The following LRP1B variants were observed in gnomAD, a reference collection of about 807,000 sequenced individuals.
LRP1B encodes the protein low-density lipoprotein receptor-related protein 1B.
In LRP1B, 217 loss-of-function variants were observed where a neutral mutation model predicts 556.6. That is an observed-to-expected ratio of 0.39 (90% CI 0.35 to 0.44). The LOEUF is 0.44. Ranked by LOEUF, LRP1B falls within the 20% of genes least tolerant of loss-of-function variation. The pLI is 1.00. For missense variants in LRP1B, 5,053 were observed against 5,620.8 expected, an observed-to-expected ratio of 0.90 and a Z score of 3.23; for synonymous variants, 2,047 against 1,865.8, an observed-to-expected ratio of 1.10 and a Z score of -2.50.
chr2:141,520,570 G>T (rs1261571679), intron 2 of LRP1B, among the ~76,000 whole-genome samples: 1 of 151,966 alleles, frequency 6.6e-6, no homozygotes, highest in Non-Finnish European at 1.5e-5. Flanking sequence ...AGGATCTCAA[G>T]GCTATTCCCT....
intron 2 of LRP1B, among the ~76,000 whole-genome samples, chr2:141,538,457 A>G (rs1381974170): frequency 6.6e-6 from 1 of 152,016 alleles, no homozygotes; most frequent in African/African-American, 2.4e-5. Flanking sequence ...CTACCAAATC[A>G]TCACTCATTA....
chr2:140,333,432 A>T (rs1421684796), intron 79 of LRP1B, among the ~76,000 whole-genome samples: 7 of 152,084 alleles, frequency 4.6e-5, no homozygotes, highest in Admixed American at 2.6e-4. Flanking sequence ...AATTTCTGGC[A>T]CATGGTAGAC....
chr2:141,272,207 T>C (rs1685116343), intron 3 of LRP1B, among the ~76,000 whole-genome samples: 1 of 152,070 alleles, frequency 6.6e-6, no homozygotes, highest in African/African-American at 2.4e-5. Flanking sequence ...ATAGAGTTAT[T>C]TATATATGAG....
intron 18 of LRP1B, among the ~76,000 whole-genome samples, chr2:140,961,002 A>T (rs1347556679): frequency 6.6e-6 from 1 of 151,916 alleles, no homozygotes; most frequent in African/African-American, 2.4e-5. Context: ...TAACTAATAA[A>T]GAAGTTGTAG....
At chr2:141,071,350 G>T (rs578197765) in intron 7 of LRP1B, among the ~76,000 whole-genome samples, 2 of 151,270 alleles carry the variant, frequency 1.3e-5, no homozygotes, top group African/African-American at 4.9e-5. Context: ...TTGATGGGAC[G>T]TATCTCAAAA....
intron 2 of LRP1B, among the ~76,000 whole-genome samples, chr2:141,659,484 G>A (rs1402804005): frequency 6.6e-6 from 1 of 152,100 alleles, no homozygotes; most frequent in African/African-American, 2.4e-5. Flanking sequence ...TCAATGTACT[G>A]TAGTCAGTGA....
intron 18 of LRP1B, among the ~76,000 whole-genome samples, chr2:140,954,249 T>C (rs1204063538): frequency 6.6e-6 from 1 of 152,148 alleles, no homozygotes; most frequent in Non-Finnish European, 1.5e-5. Flanking sequence ...AATAACTGTT[T>C]AGTGGATGTA....
At chr2:140,963,060 G>A (rs1696085401) in intron 18 of LRP1B, among the ~76,000 whole-genome samples, 1 of 152,144 alleles carries the variant, frequency 6.6e-6, no homozygotes, top group South Asian at 2.1e-4. Flanking sequence ...TACAGTGGCA[G>A]AAATTATTTA....
At chr2:142,126,784 A>C (rs1220825316) in intron 1 of LRP1B, among the ~76,000 whole-genome samples, 1 of 151,878 alleles carries the variant, frequency 6.6e-6, no homozygotes, top group Non-Finnish European at 1.5e-5. Flanking sequence ...AACTGGATCC[A>C]TATATAGAAT....
rs2105188361 is a variant in LRP1B at position 140,598,650 on chromosome 2, T to C, written c.7175A>G (p.Tyr2392Cys). Residue 2392 changes from tyrosine to cysteine, a missense_variant, in exon 43 of 91, where the codon TAC (tyrosine) becomes TGC (cysteine). Physicochemically the swap from Tyr to Cys is radical, Grantham distance 194. This residue lies in a region of LRP1B where 3,619 missense variants were observed against 3,931.9 expected (regional missense o/e 0.92). Transcript: ENST00000389484. ...GSLGKIERCE[Y>C]DGSQRHVIVK... ...ACTTACATGTCTCTGGGATCCATCGTATTCACACCTTTCAATTTTTCCTAG... is the reference window on the plus strand; with the variant it reads ...ACTTACATGTCTCTGGGATCCATCGCATTCACACCTTTCAATTTTTCCTAG... 1.2e-6 allele frequency: 2 copies of C among 1,613,436 alleles called. No homozygotes were observed. Among genetic ancestry groups the C allele is most frequent in the Non-Finnish European group, 1.7e-6 (2 of 1,179,530 alleles).
intron 77 of LRP1B, among the ~76,000 whole-genome samples, chr2:140,343,800 C>T (rs371381511): frequency 6.6e-6 from 1 of 151,624 alleles, no homozygotes; most frequent in African/African-American, 2.4e-5. Flanking sequence ...ATCTCACAAT[C>T]ATTGTGCTGG....
intron 43 of LRP1B, among the ~76,000 whole-genome samples, chr2:140,582,422 G>T (rs551063149): frequency 6.6e-6 from 1 of 152,286 alleles, no homozygotes; most frequent in East Asian, 1.9e-4. Flanking sequence ...CCAAAGCAGG[G>T]TTATAATTGG....
At chr2:140,402,591 C>T (rs527894482) in intron 66 of LRP1B, among the ~76,000 whole-genome samples, 198 of 152,264 alleles carry the variant, frequency 1.3e-3, no homozygotes, top group African/African-American at 4.7e-3. Context: ...GTAGCTGGAA[C>T]ACTGGGACAG....
chr2:140,872,156 C>T (rs1693155008), intron 25 of LRP1B, among the ~76,000 whole-genome samples: 1 of 139,756 alleles, frequency 7.2e-6, no homozygotes, highest in Non-Finnish European at 1.5e-5. Flanking sequence ...TTTACTTCTG[C>T]TGTCTTTCCC....
Position 140,412,537 on chromosome 2 carries a change from C to T in LRP1B, c.10415-26528G>A, listed in dbSNP as rs567051978. Among the ~76,000 whole-genome samples, 9 of 152,088 alleles carry T rather than the reference C, an allele frequency of 5.9e-5. No homozygotes were observed. The South Asian group carries it at 1.9e-3, about 32-fold the overall frequency. ...TAAGCGTGAGTGCTCTATTGACTCACAGCCATCAGAGAATAGATTGTATTC... is the reference window on the plus strand; with the variant it reads ...TAAGCGTGAGTGCTCTATTGACTCATAGCCATCAGAGAATAGATTGTATTC... On this transcript the variant is annotated intron_variant, in intron 66 of 90. Transcript: ENST00000389484.
intron 3 of LRP1B, among the ~76,000 whole-genome samples, chr2:141,282,109 C>G (rs1685530853): frequency 6.6e-6 from 1 of 152,002 alleles, no homozygotes; most frequent in Non-Finnish European, 1.5e-5. Context: ...GAAAAAGTAA[C>G]TGAACCAATT....
chr2:140,758,294 GA>G (rs1394254515), intron 35 of LRP1B, among the ~76,000 whole-genome samples: 1 of 151,810 alleles, frequency 6.6e-6, no homozygotes, highest in African/African-American at 2.4e-5. Context: ...GTAAGTAAAA[GA>G]AACAAGAAAC....
chr2:141,897,671 TTGAC>T (rs1699495154), intron 1 of LRP1B, among the ~76,000 whole-genome samples: 1 of 152,074 alleles, frequency 6.6e-6, no homozygotes, highest in South Asian at 2.1e-4. Context: ...ATTAGGAAGT[TTGAC>T]TGACTGCTTT....
Position 140,371,204 on chromosome 2 carries a change from T to C in LRP1B, c.10850A>G (p.Tyr3617Cys), listed in dbSNP as rs779670090. 5 of 1,593,744 alleles carry C rather than the reference T, an allele frequency of 3.1e-6. No individual in the cohort carries two copies. The highest frequency in any genetic ancestry group is 4.3e-6 in the Non-Finnish European group (5 of 1,169,942). The stretch of plus-strand genomic sequence containing the variant: ...CTCATCTGAACCATCAGCACAATCA[T>C]ATTCTCCATTACATTTCAAAGATGC... ...ISASLKCNGE[Y>C]DCADGSDEMD... Residue 3617 changes from tyrosine (Y) to cysteine (C), a missense_variant, in exon 70 of 91, where the codon TAT (tyrosine) becomes TGT (cysteine). Physicochemically the swap from Tyr to Cys is radical, Grantham distance 194 (BLOSUM62 -2). Around this residue, in one of 5 missense-constraint regions of LRP1B, gnomAD observed 599 missense variants for 648.4 expected, o/e 0.92. Coordinates refer to ENST00000389484, the MANE Select transcript of LRP1B (RefSeq NM_018557.3).
Sources: gnomAD v4.1 joint callset for allele counts (sites outside exome capture counted in the v4.1 genomes callset) on GRCh38, gnomAD v4.1.1 for gene constraint, gnomAD v4.1.1 regional missense constraint, MANE v1.5 for transcripts, NCBI Gene and HGNC (gene_info 2026-07-23, HGNC 2026-07-21) for gene names.